Variants in HDAC4 observed in about 807,000 individuals in gnomAD.
HDAC4 encodes histone deacetylase A.
In HDAC4, 16 loss-of-function variants were observed where a neutral mutation model predicts 135.1. The ratio of observed to expected loss-of-function variants is 0.12; its 90% confidence interval spans 0.08 to 0.18. HDAC4 has a LOEUF of 0.18. Ranked by LOEUF, HDAC4 falls within the 10% of genes least tolerant of loss-of-function variation. HDAC4 has a pLI of 1.00. For synonymous variants in HDAC4, 685 were observed against 653.4 expected (o/e 1.05, Z -0.74); for missense variants, 1,143 against 1,511.8 (o/e 0.76, Z 4.05).
At chr2:239,207,274 T>C (rs536644023) in intron 3 of HDAC4, among the ~76,000 whole-genome samples, 1 of 152,320 alleles carries the variant, frequency 6.6e-6, no homozygotes, top group African/African-American at 2.4e-5. Context: ...TAGCCTTAAA[T>C]ACTTATTATG....
intron 5 of HDAC4, among the ~76,000 whole-genome samples, chr2:239,174,680 T>C (rs1191574054): frequency 6.6e-6 from 1 of 152,210 alleles, no homozygotes; most frequent in East Asian, 1.9e-4. Flanking sequence ...TGTACAAGAA[T>C]GCACATAGCA....
intron 21 of HDAC4, 86 bp from the exon 22 acceptor site, chr2:239,081,278 T>C (rs913453649): frequency 2.8e-5 from 33 of 1,161,374 alleles, no homozygotes; most frequent in Non-Finnish European, 3.8e-5. Context: ...GGCACCGGGA[T>C]GGGCTCGGCC....
chr2:239,239,771 G>A (rs895272740), intron 2 of HDAC4, among the ~76,000 whole-genome samples: 1 of 152,220 alleles, frequency 6.6e-6, no homozygotes, highest in Non-Finnish European at 1.5e-5. Context: ...GGAAATGCTC[G>A]AAGGGAAAGC....
At chr2:239,295,866 C>T (rs1341820011) in intron 2 of HDAC4, among the ~76,000 whole-genome samples, 2 of 152,210 alleles carry the variant, frequency 1.3e-5, no homozygotes, top group Non-Finnish European at 2.9e-5. Flanking sequence ...GCCCCCAGAG[C>T]CCTTCATTGT....
chr2:239,230,547 C>T (rs1340088151), intron 3 of HDAC4, among the ~76,000 whole-genome samples: 3 of 152,074 alleles, frequency 2.0e-5, no homozygotes, highest in Non-Finnish European at 4.4e-5. Flanking sequence ...CGGCAGGCGC[C>T]GCCAGGACGA....
At chr2:239,315,580 G>C (rs918656858) in intron 2 of HDAC4, among the ~76,000 whole-genome samples, 2 of 152,208 alleles carry the variant, frequency 1.3e-5, no homozygotes, top group East Asian at 3.8e-4. Context: ...CCAGGTGACA[G>C]TGAGAAAGTC....
intron 2 of HDAC4, among the ~76,000 whole-genome samples, chr2:239,292,169 C>G (rs1434975983): frequency 1.3e-5 from 2 of 152,156 alleles, no homozygotes; most frequent in Admixed American, 1.3e-4. Context: ...TAGGTGGGGC[C>G]CCAAGTGTTC....
At chr2:239,120,397 A>ACACACAGACG (rs1274078122) in intron 12 of HDAC4, among the ~76,000 whole-genome samples, 1 of 147,972 alleles carries the variant, frequency 6.8e-6, no homozygotes, top group Non-Finnish European at 1.5e-5. Flanking sequence ...ACACAGACGC[A>ACACACAGACG]CACAGACACA....
rs1696874883 is a variant in HDAC4, at chr2:239,400,291, G to A, written c.-220+687C>T. 6.6e-6 allele frequency: 1 copy of A among 150,950 alleles called. No individual in the cohort carries two copies. Among genetic ancestry groups the A allele is most frequent in the Admixed American group, 6.6e-5 (1 of 15,152 alleles). The allele number at this position is 150,950 out of a possible 1,614,324, so 9.4% of individuals were successfully genotyped here. A position where few individuals can be genotyped will look rare whatever the true frequency, so the allele number is the denominator to read the frequency against. ...AGGGACGTTTTTCTGCAAACTCACA[G>A]CATTTGACAAAGTTACATAAACGGC... On this transcript the variant is annotated intron_variant, in intron 1 of 26. Coordinates refer to ENST00000543185, the MANE Select transcript of HDAC4 (RefSeq NM_001378414.1). The surrounding 1 kb of genome is among the most constrained non-coding windows in gnomAD (Gnocchi z 4.7).
At chr2:239,185,201 G>C (rs1395286101) in intron 4 of HDAC4, among the ~76,000 whole-genome samples, 3 of 151,748 alleles carry the variant, frequency 2.0e-5, no homozygotes, top group African/African-American at 7.3e-5. Context: ...GCACCCCATG[G>C]GGTGCCTGTA....
chr2:239,357,782 G>C (rs544812567), intron 1 of HDAC4, among the ~76,000 whole-genome samples: 48 of 151,028 alleles, frequency 3.2e-4, no homozygotes, highest in African/African-American at 1.0e-3. Context: ...CCAGCTACTC[G>C]GGAGGCTGAG....
At chr2:239,296,756 A>G (rs1203927750) in intron 2 of HDAC4, among the ~76,000 whole-genome samples, 1 of 152,138 alleles carries the variant, frequency 6.6e-6, no homozygotes, top group African/African-American at 2.4e-5. Flanking sequence ...CAGTCAGGTC[A>G]AGGGAGCATG....
At chr2:239,200,475 C>T (rs912248655) in intron 3 of HDAC4, among the ~76,000 whole-genome samples, 26 of 152,090 alleles carry the variant, frequency 1.7e-4, no homozygotes, top group Non-Finnish European at 1.6e-4. Flanking sequence ...ACTTAAGTGG[C>T]CCTACCTTGG....
At chr2:239,390,387 A>T (rs1696118972) in intron 1 of HDAC4, among the ~76,000 whole-genome samples, 2 of 152,156 alleles carry the variant, frequency 1.3e-5, no homozygotes, top group Admixed American at 1.3e-4. Flanking sequence ...ACAAAAAATT[A>T]GCCAGCCATG....
chr2:239,355,219 T>G (rs1320034232), intron 1 of HDAC4, among the ~76,000 whole-genome samples: 1 of 152,246 alleles, frequency 6.6e-6, no homozygotes, highest in Non-Finnish European at 1.5e-5. Flanking sequence ...GAAAATGTTC[T>G]TCAATTATGT....
At chr2:239,246,582 T>C (rs1478387605) in intron 2 of HDAC4, among the ~76,000 whole-genome samples, 1 of 152,322 alleles carries the variant, frequency 6.6e-6, no homozygotes, top group African/African-American at 2.4e-5. Flanking sequence ...CCGCTCTTCC[T>C]GCTCCGCAGG....
intron 14 of HDAC4, among the ~76,000 whole-genome samples, chr2:239,110,574 G>T (rs1485118524): frequency 6.6e-6 from 1 of 152,222 alleles, no homozygotes. Flanking sequence ...CTGGAAATTT[G>T]TCTCTGAATA....
At chr2:239,324,514 G>C (rs550942584) in intron 2 of HDAC4, among the ~76,000 whole-genome samples, 1 of 152,346 alleles carries the variant, frequency 6.6e-6, no homozygotes, top group South Asian at 2.1e-4. Flanking sequence ...GTGCCTGCGT[G>C]GCATGCTGTG....
intron 11 of HDAC4, among the ~76,000 whole-genome samples, chr2:239,131,163 G>C (rs1425763599): frequency 6.6e-6 from 1 of 152,228 alleles, no homozygotes; most frequent in African/African-American, 2.4e-5. Context: ...GAACTGCCCG[G>C]AGCGGTGCGG....
Sources: allele counts gnomAD v4.1 joint callset (sites outside exome capture counted in the v4.1 genomes callset), GRCh38; gene constraint gnomAD v4.1.1; non-coding constraint Gnocchi (gnomAD v3.1); transcripts MANE v1.5; gene names NCBI Gene and HGNC (gene_info 2026-07-23, HGNC 2026-07-21).